CCDC171: variants seen among roughly 807,000 people sequenced by gnomAD.
The protein encoded by CCDC171 is coiled-coil domain containing 171.
In CCDC171, 177 loss-of-function variants were observed where a neutral mutation model predicts 168.2. The observed-to-expected ratio is 1.05, with a 90% CI of 0.93 to 1.19. The LOEUF (loss-of-function observed/expected upper bound fraction) is 1.19. Among genes scored for constraint, CCDC171 ranks in the 50% most tolerant of loss-of-function variants. The pLI is 0.00. For synonymous variants in CCDC171, 687 were observed against 540.8 expected, an observed-to-expected ratio of 1.27 and a Z score of -3.75; for missense variants, 1,991 against 1,539.0, an observed-to-expected ratio of 1.29 and a Z score of -4.91.
intron 11 of CCDC171, among the ~76,000 whole-genome samples, chr9:15,696,972 C>T (rs1320152696): frequency 1.3e-5 from 2 of 152,028 alleles, no homozygotes; most frequent in Non-Finnish European, 2.9e-5. Context: ...CCATTTTGTG[C>T]TGATTTTTCT....
chr9:15,763,314 A>T (rs1029705377), intron 18 of CCDC171, among the ~76,000 whole-genome samples: 1 of 152,206 alleles, frequency 6.6e-6, no homozygotes, highest in Non-Finnish European at 1.5e-5. Flanking sequence ...TTGAAGCTTC[A>T]TTATATAAGC....
intron 16 of CCDC171, among the ~76,000 whole-genome samples, chr9:15,739,269 C>T (rs2054692951): frequency 6.6e-6 from 1 of 152,152 alleles, no homozygotes; most frequent in Non-Finnish European, 1.5e-5. Context: ...GGGTGTTCTA[C>T]AGAACATGTT....
At chr9:15,806,923 C>G (rs2059110260) in intron 21 of CCDC171, among the ~76,000 whole-genome samples, 1 of 151,894 alleles carries the variant, frequency 6.6e-6, no homozygotes, top group Non-Finnish European at 1.5e-5. Context: ...ATTTGTTTTT[C>G]TCATTCATTT....
intron 2 of CCDC171, among the ~76,000 whole-genome samples, chr9:15,565,014 A>C (rs1472667026): frequency 6.6e-6 from 1 of 152,066 alleles, no homozygotes; most frequent in Admixed American, 6.6e-5. Flanking sequence ...GGGTGGGACA[A>C]GTACCAAGAC....
intron 7 of CCDC171, among the ~76,000 whole-genome samples, chr9:15,629,763 A>C (rs1381572593): frequency 1.3e-5 from 2 of 152,236 alleles, no homozygotes; most frequent in Non-Finnish European, 1.5e-5. Context: ...AAAAATGTTA[A>C]GGGCAGCCAG....
the CCDC171 span, among the ~76,000 whole-genome samples, chr9:16,108,435 C>G: frequency 4.6e-5 from 7 of 152,200 alleles, no homozygotes; most frequent in African/African-American, 1.7e-4. Context: ...GACCTAACTT[C>G]TATTTCCCTT....
At chr9:15,954,659 A>G (rs1039058309) in intron 25 of CCDC171, among the ~76,000 whole-genome samples, 1 of 136,596 alleles carries the variant, frequency 7.3e-6, no homozygotes, top group African/African-American at 2.5e-5. Flanking sequence ...TCCTGTTTTC[A>G]TGCTTGTTGA....
At chr9:15,783,269 G>A (rs771331176) in intron 20 of CCDC171, among the ~76,000 whole-genome samples, 2 of 152,080 alleles carry the variant, frequency 1.3e-5, no homozygotes, top group East Asian at 1.9e-4. Context: ...GTTGGCCCAC[G>A]AGGAAACTGT....
intron 7 of CCDC171, among the ~76,000 whole-genome samples, chr9:15,629,573 G>T (rs1441409401): frequency 6.6e-6 from 1 of 152,164 alleles, no homozygotes; most frequent in East Asian, 1.9e-4. Context: ...AAAATGACGG[G>T]GAGAATGGAA....
chr9:15,922,309 G>T, intron 25 of CCDC171: 1 of 175,176 alleles, frequency 5.7e-6, no homozygotes, highest in African/African-American at 2.4e-5. Flanking sequence ...ATAAACTTGT[G>T]TGATGGTTTT....
intron 21 of CCDC171, among the ~76,000 whole-genome samples, chr9:15,821,276 C>T (rs1229015962): frequency 1.7e-5 from 2 of 116,978 alleles, no homozygotes; most frequent in Non-Finnish European, 3.8e-5. Flanking sequence ...AAAACTGGCA[C>T]AAGACAGGGA....
chr9:15,796,630 C>A (rs1408784893), intron 21 of CCDC171, among the ~76,000 whole-genome samples: 1 of 152,198 alleles, frequency 6.6e-6, no homozygotes, highest in African/African-American at 2.4e-5. Context: ...GTCTGAGCTC[C>A]CTGCTCAACC....
rs564025225 is a variant in CCDC171, at chr9:15,785,026, G to C, written c.3267+332G>C. ...CTCTCTTTAGAATTTTCCTTTTCTT[G>C]TTTTGTACCCAATGGACTTTGGAAA... On this transcript the variant is annotated intron_variant, in intron 21 of 25. Transcript: ENST00000380701. Among the ~76,000 whole-genome samples, 5 of 151,306 alleles carry C rather than the reference G, an allele frequency of 3.3e-5. No individual in the cohort carries two copies. The East Asian group carries it at 9.7e-4, about 29-fold the overall frequency.
chr9:15,986,420 G>A lies in CCDC171; in HGVS notation n.369-34169G>A, dbSNP rs909871809. On this transcript the variant is annotated intron_variant and non_coding_transcript_variant, in intron 3 of 9. Transcript: ENST00000486641. ...AGAGGGATGCCATAAGACACTTAAA[G>A]TTCTCTTTCCAGCTGATCCCCGAAC... 5.9e-5 allele frequency among the ~76,000 whole-genome samples: 9 copies of A among 152,194 alleles called. 1 individual carries two copies. Among genetic ancestry groups the A allele is most frequent in the Admixed American group, 5.9e-4 (9 of 15,280 alleles).
intron 20 of CCDC171, among the ~76,000 whole-genome samples, chr9:15,782,995 C>A (rs901958490): frequency 2.6e-5 from 4 of 152,174 alleles, no homozygotes; most frequent in African/African-American, 9.7e-5. Context: ...CATTAGACAT[C>A]TGTTTTTATG....
chr9:15,953,232 A>G (rs1235826874), intron 25 of CCDC171, among the ~76,000 whole-genome samples: 2 of 152,174 alleles, frequency 1.3e-5, no homozygotes, highest in African/African-American at 4.8e-5. Flanking sequence ...AAGTGGTGAA[A>G]GGAGTCAGGT....
In CCDC171 at chr9:15,874,649, G is replaced by A; in HGVS notation, c.3586G>A (p.Val1196Met). The change falls in exon 24 of 26, where the codon GTG becomes ATG. Residue 1196 changes from valine (V) to methionine (M), a missense_variant. By Grantham distance (21) the Val-to-Met change is conservative. Coordinates refer to ENST00000380701, the MANE Select transcript of CCDC171 (RefSeq NM_173550.4). ...AMEGLKGGPE[V>M]VACQAMIKSF... ...GGAGGGGCTCAAGGGCGGGCCAGAGGTGGTAGCATGCCAGGTTAGAGTCTA... is the reference window on the plus strand; with the variant it reads ...GGAGGGGCTCAAGGGCGGGCCAGAGATGGTAGCATGCCAGGTTAGAGTCTA... 4 of 1,583,426 alleles carry A rather than the reference G, an allele frequency of 2.5e-6. No individual in the cohort carries two copies. Among genetic ancestry groups the A allele is most frequent in the Non-Finnish European group, 3.4e-6 (4 of 1,164,772 alleles).
At chr9:15,650,394 A>G (rs1338009514) in intron 7 of CCDC171, among the ~76,000 whole-genome samples, 1 of 152,182 alleles carries the variant, frequency 6.6e-6, no homozygotes, top group Non-Finnish European at 1.5e-5. Context: ...AACTTAAAGT[A>G]TAATAAAAAA....
intron 11 of CCDC171, among the ~76,000 whole-genome samples, chr9:15,697,003 CT>C (rs1170705510): frequency 1.3e-5 from 2 of 152,198 alleles, no homozygotes; most frequent in Non-Finnish European, 2.9e-5. Flanking sequence ...CCCTTCTCCC[CT>C]TGCTGATCCA....
Sources: allele counts gnomAD v4.1 joint callset (sites outside exome capture counted in the v4.1 genomes callset), GRCh38; gene constraint gnomAD v4.1.1; transcripts MANE v1.5; gene names NCBI Gene and HGNC (gene_info 2026-07-23, HGNC 2026-07-21).